Variants in CHMP3 observed in about 807,000 individuals in gnomAD.
CHMP3 encodes the protein 25.1 protein.
Under a neutral mutation model 27.4 loss-of-function variants are expected in CHMP3, and 8 were observed. The ratio of observed to expected loss-of-function variants is 0.29; its 90% CI spans 0.17 to 0.53. The LOEUF is 0.53. Ranked by LOEUF, CHMP3 falls within the 20% of genes least tolerant of loss-of-function variation. CHMP3 has a pLI of 0.96. For missense variants in CHMP3, 208 were observed against 271.5 expected, an observed-to-expected ratio of 0.77 and a Z score of 1.64; for synonymous variants, 86 against 85.5, an observed-to-expected ratio of 1.01 and a Z score of -0.03.
chr2:86,551,911 C>T (rs769555314), intron 1 of CHMP3, among the ~76,000 whole-genome samples: 8 of 152,148 alleles, frequency 5.3e-5, no homozygotes, highest in African/African-American at 9.7e-5. Flanking sequence ...CAGGGATACT[C>T]GAATAGCAAG....
At chr2:86,557,330 T>C (rs540028510) in intron 1 of CHMP3, among the ~76,000 whole-genome samples, 1 of 152,304 alleles carries the variant, frequency 6.6e-6, no homozygotes, top group South Asian at 2.1e-4. Flanking sequence ...CTATGCTAAA[T>C]ATTTCTAAAA....
intron 2 of CHMP3, among the ~76,000 whole-genome samples, chr2:86,538,166 C>A (rs1474791241): frequency 1.3e-5 from 2 of 152,222 alleles, no homozygotes; most frequent in South Asian, 2.1e-4. Context: ...ATAAGCCAGA[C>A]ACAAAAAGAC....
At chr2:86,543,736 C>A (rs1233086884) in intron 1 of CHMP3, among the ~76,000 whole-genome samples, 1 of 152,072 alleles carries the variant, frequency 6.6e-6, no homozygotes. Flanking sequence ...TTCTAGGGAA[C>A]CTCTCTCTGT....
At chr2:86,538,773 T>C (rs1676244391) in intron 2 of CHMP3, among the ~76,000 whole-genome samples, 1 of 152,196 alleles carries the variant, frequency 6.6e-6, no homozygotes, top group Non-Finnish European at 1.5e-5. Context: ...ACTAAAAATG[T>C]GGACTACCAT....
intron 2 of CHMP3, among the ~76,000 whole-genome samples, chr2:86,536,096 CGCCATT>C (rs1676127958): frequency 7.0e-6 from 1 of 142,936 alleles, no homozygotes; most frequent in Non-Finnish European, 1.5e-5. Flanking sequence ...CCCGGGTTCA[CGCCATT>C]CTCCTGCCTC....
At chr2:86,550,173 G>A (rs530008754) in intron 1 of CHMP3, among the ~76,000 whole-genome samples, 7 of 152,308 alleles carry the variant, frequency 4.6e-5, no homozygotes, top group Admixed American at 2.6e-4. Context: ...GTCAGGAGCC[G>A]GAGACCAGCC....
At chr2:86,552,436 A>G (rs1676944602) in intron 1 of CHMP3, among the ~76,000 whole-genome samples, 2 of 152,226 alleles carry the variant, frequency 1.3e-5, no homozygotes, top group Non-Finnish European at 2.9e-5. Context: ...AAGAAATCAG[A>G]GAATTAGAAA....
chr2:86,544,792 C>T (rs1322698663), intron 1 of CHMP3, among the ~76,000 whole-genome samples: 1 of 152,188 alleles, frequency 6.6e-6, no homozygotes, highest in Non-Finnish European at 1.5e-5. Context: ...CCACATTTGC[C>T]CCTTTTCTTT....
chr2:86,505,149 G>A lies in CHMP3; in HGVS notation c.*655C>T, dbSNP rs1214655660. 1 of 152,430 alleles carries A rather than the reference G, an allele frequency of 6.6e-6. No individual in the cohort carries two copies. The highest frequency in any genetic ancestry group is 1.5e-5 in the Non-Finnish European group (1 of 68,120). The allele number at this position is 152,430 out of a possible 1,614,324, so 9.4% of individuals were successfully genotyped here. A position where few individuals can be genotyped will look rare whatever the true frequency, so the allele number is the denominator to read the frequency against. ...GGTGCAACTTGCAATGGGAAGGAAG[G>A]GACAGAAGCTCTAAATAGACCCACA... On this transcript the variant is annotated 3_prime_UTR_variant, in exon 6 of 6. Transcript: ENST00000263856.
chr2:86,549,995 T>G (rs983462680), intron 1 of CHMP3, among the ~76,000 whole-genome samples: 14 of 152,202 alleles, frequency 9.2e-5, no homozygotes, highest in Non-Finnish European at 1.9e-4. Flanking sequence ...GCAGAGGCTG[T>G]AATCTTAGCA....
rs759728864 is a variant in CHMP3, at chr2:86,507,610, T to C, written c.409-17A>G. The C allele has an allele frequency of 1.7e-5, 28 of 1,607,474 alleles. No homozygotes were observed. The highest frequency in any genetic ancestry group is 4.4e-5 in the South Asian group (4 of 90,938). ...GATCCCAGCCTAAACAGAATAAATATGTCACTTCGGTCAACTGTTAAATCT... is the reference window on the plus strand; with the variant it reads ...GATCCCAGCCTAAACAGAATAAATACGTCACTTCGGTCAACTGTTAAATCT... On this transcript the variant is annotated splice_polypyrimidine_tract_variant and intron_variant, in intron 4 of 5. Transcript: ENST00000263856.
At chr2:86,561,329 T>C (rs1677351322) in intron 1 of CHMP3, among the ~76,000 whole-genome samples, 1 of 152,176 alleles carries the variant, frequency 6.6e-6, no homozygotes, top group African/African-American at 2.4e-5. Context: ...CTCATAACAT[T>C]GCAGAGTGCT....
intron 3 of CHMP3, among the ~76,000 whole-genome samples, chr2:86,522,405 T>TATAA (rs1277581767): frequency 6.6e-6 from 1 of 152,098 alleles, no homozygotes; most frequent in African/African-American, 2.4e-5. Context: ...CAAGCAACAC[T>TATAA]CCACTATAAA....
rs1163788625 is a variant in CHMP3, at chr2:86,504,649, G to C, written c.*1155C>G. 1 of 151,458 alleles carries C rather than the reference G, an allele frequency of 6.6e-6. No individual in the cohort carries two copies. Among genetic ancestry groups the C allele is most frequent in the African/African-American group, 2.4e-5 (1 of 41,148 alleles). The allele number at this position is 151,458 out of a possible 1,614,324, so 9.4% of individuals were successfully genotyped here. A position where few individuals can be genotyped will look rare whatever the true frequency, so the allele number is the denominator to read the frequency against. On this transcript the variant is annotated 3_prime_UTR_variant, in exon 6 of 6. Coordinates refer to ENST00000263856, the MANE Select transcript of CHMP3 (RefSeq NM_016079.4). The stretch of plus-strand genomic sequence containing the variant: ...GGCATGAACCACCGCACCCAGCCAA[G>C]ATTGCCATTTTGTATGATGAGACTG...
At chr2:86,522,947 C>G (rs1675569118) in intron 3 of CHMP3, among the ~76,000 whole-genome samples, 1 of 152,196 alleles carries the variant, frequency 6.6e-6, no homozygotes, top group South Asian at 2.1e-4. Flanking sequence ...TGAAATATTT[C>G]AACTGTGCCT....
chr2:86,509,706 T>C (rs1675026388), intron 4 of CHMP3, among the ~76,000 whole-genome samples: 1 of 152,148 alleles, frequency 6.6e-6, no homozygotes, highest in African/African-American at 2.4e-5. Context: ...AAGGTGACCT[T>C]AGGGAAACTA....
At chr2:86,549,846 C>T (rs1044076521) in intron 1 of CHMP3, among the ~76,000 whole-genome samples, 3 of 151,106 alleles carry the variant, frequency 2.0e-5, no homozygotes, top group Non-Finnish European at 3.0e-5. Context: ...AGGCGCTCCT[C>T]GCCTCCCAGA....
At chr2:86,544,952 AC>A in intron 1 of CHMP3, among the ~76,000 whole-genome samples, 4 of 132,462 alleles carry the variant, frequency 3.0e-5, no homozygotes. Flanking sequence ...CACTTCCTAG[AC>A]GGGGCGGCCG....
At position 86,528,114 on chromosome 2, in the gene CHMP3, T is replaced by C. The variant is rs562453338; in HGVS notation, c.286+1104A>G. 5.3e-5 allele frequency among the ~76,000 whole-genome samples: 8 copies of C among 152,310 alleles called. No homozygotes were observed. The South Asian group carries it at 1.7e-3, about 32-fold the overall frequency. ...AAAGAAACTAATGATACATTCATGG[T>C]TAGGCATATTTTAAAACCACATTCG... On this transcript the variant is annotated intron_variant, in intron 3 of 5. Transcript: ENST00000263856.
Sources: allele counts gnomAD v4.1 joint callset (sites outside exome capture counted in the v4.1 genomes callset), GRCh38; gene constraint gnomAD v4.1.1; transcripts MANE v1.5; gene names NCBI Gene and HGNC (gene_info 2026-07-23, HGNC 2026-07-21).